The following GLYATL2 variants were observed in gnomAD, a reference collection of about 807,000 sequenced individuals.
The protein encoded by GLYATL2 is glycine-N-acyltransferase like 2, also known as glycine N-acyltransferase-like protein 2.
Under a neutral mutation model 21.4 loss-of-function variants are expected in GLYATL2, and 25 were observed. That is an observed-to-expected ratio of 1.17 (90% confidence interval 0.85 to 1.63). The LOEUF (loss-of-function observed/expected upper bound fraction) is 1.63, where lower values mean the gene tolerates loss of function less well. Ranked by LOEUF, GLYATL2 falls within the 40% of genes most tolerant of loss-of-function variation. The pLI is 0.00. For missense variants in GLYATL2, 361 were observed against 343.3 expected (o/e 1.05, Z -0.41); for synonymous variants, 114 against 118.2 (o/e 0.96, Z 0.23).
intron 1 of GLYATL2, among the ~76,000 whole-genome samples, chr11:58,896,434 T>C (rs1345182881): frequency 6.6e-6 from 1 of 152,228 alleles, no homozygotes; most frequent in Non-Finnish European, 1.5e-5. Flanking sequence ...CCTATTAAAC[T>C]TCCACTCTTA....
intron 1 of GLYATL2, among the ~76,000 whole-genome samples, chr11:58,860,386 AT>A (rs1853910548): frequency 2.0e-5 from 3 of 151,942 alleles, no homozygotes; most frequent in African/African-American, 7.2e-5. Flanking sequence ...AAACAGGATG[AT>A]TTTCTTTGTC....
intron 1 of GLYATL2, among the ~76,000 whole-genome samples, chr11:58,873,115 T>C (rs935038062): frequency 1.4e-4 from 21 of 151,078 alleles, no homozygotes; most frequent in Non-Finnish European, 2.8e-4. Context: ...AGAATGCTTG[T>C]GATTTTTGCA....
intron 1 of GLYATL2, among the ~76,000 whole-genome samples, chr11:58,841,015 A>G (rs919487076): frequency 1.3e-5 from 2 of 152,020 alleles, no homozygotes; most frequent in Non-Finnish European, 2.9e-5. Context: ...TGAACTTTTG[A>G]ACTTTCTTCC....
chr11:58,891,608 A>G (rs1258795785), intron 1 of GLYATL2, among the ~76,000 whole-genome samples: 1 of 152,080 alleles, frequency 6.6e-6, no homozygotes, highest in African/African-American at 2.4e-5. Flanking sequence ...CTTTCCCTCC[A>G]CCCTCTAGGA....
At chr11:58,875,551 C>T (rs896571110) in intron 1 of GLYATL2, among the ~76,000 whole-genome samples, 2 of 152,116 alleles carry the variant, frequency 1.3e-5, no homozygotes, top group Non-Finnish European at 2.9e-5. Context: ...ACTTATGAAG[C>T]TTAGTTTGGC....
At chr11:58,873,124 C>T (rs550046219) in intron 1 of GLYATL2, among the ~76,000 whole-genome samples, 1,679 of 150,646 alleles carry the variant, frequency 0.011, 20 homozygotes, top group Middle Eastern at 0.031. Flanking sequence ...GTGATTTTTG[C>T]ACATTGATTT....
intron 1 of GLYATL2, chr11:58,893,601 T>TA (rs1333047226): frequency 6.6e-6 from 1 of 152,406 alleles, no homozygotes; most frequent in Non-Finnish European, 1.5e-5. Flanking sequence ...GACTTGATGT[T>TA]AAAAAACACA....
At chr11:58,847,233 G>C (rs1853659738), upstream of GLYATL2, among the ~76,000 whole-genome samples, 1 of 152,186 alleles carries the variant, frequency 6.6e-6, no homozygotes, top group Non-Finnish European at 1.5e-5. Context: ...GAGCATCTGA[G>C]GATAGCAGGT....
At chr11:58,885,343 T>C (rs1854416941) in intron 1 of GLYATL2, 2 of 306,662 alleles carry the variant, frequency 6.5e-6, no homozygotes, top group Admixed American at 3.5e-5. Flanking sequence ...CAGTACTGTC[T>C]TTTGACCTCC....
intron 1 of GLYATL2, among the ~76,000 whole-genome samples, chr11:58,881,910 C>T (rs1854343133): frequency 6.6e-6 from 1 of 152,220 alleles, no homozygotes; most frequent in Admixed American, 6.5e-5. Context: ...CTACAAAGGA[C>T]ATGAACTCAT....
At chr11:58,900,065 A>AT (rs948628135) in intron 1 of GLYATL2, among the ~76,000 whole-genome samples, 94 of 152,278 alleles carry the variant, frequency 6.2e-4, no homozygotes, top group African/African-American at 2.2e-3. Flanking sequence ...TGTGTAAATC[A>AT]TTTAAAAAAA....
At chr11:58,876,319 C>T (rs967859752) in intron 1 of GLYATL2, among the ~76,000 whole-genome samples, 1 of 152,202 alleles carries the variant, frequency 6.6e-6, no homozygotes, top group African/African-American at 2.4e-5. Flanking sequence ...CCAGCTTTGT[C>T]CCATTGCTGG....
intron 1 of GLYATL2, chr11:58,878,312 A>T (rs1274101519): frequency 7.4e-6 from 4 of 542,192 alleles, no homozygotes; most frequent in African/African-American, 2.0e-5. Flanking sequence ...AGGAGCGCTA[A>T]GTGAACAAGG....
intron 1 of GLYATL2, among the ~76,000 whole-genome samples, chr11:58,899,496 A>G (rs1854696319): frequency 6.6e-6 from 1 of 152,214 alleles, no homozygotes; most frequent in African/African-American, 2.4e-5. Context: ...ACAGAAGATG[A>G]TGGAGGGAGA....
At chr11:58,886,176 C>T (rs1024507438) in intron 1 of GLYATL2, among the ~76,000 whole-genome samples, 12 of 152,066 alleles carry the variant, frequency 7.9e-5, no homozygotes, top group African/African-American at 2.9e-4. Flanking sequence ...AAGATCACAC[C>T]ACTGTACTGA....
intron 1 of GLYATL2, among the ~76,000 whole-genome samples, chr11:58,860,975 A>G (rs1383357821): frequency 6.6e-6 from 1 of 152,008 alleles, no homozygotes; most frequent in African/African-American, 2.4e-5. Context: ...GACCTTTTTG[A>G]CATGCTGTTG....
At chr11:58,864,664 C>G (rs1853992958) in intron 1 of GLYATL2, among the ~76,000 whole-genome samples, 1 of 149,214 alleles carries the variant, frequency 6.7e-6, no homozygotes, top group Non-Finnish European at 1.5e-5. Flanking sequence ...TTCCTATGCT[C>G]TTCAATTCAT....
chr11:58,837,537 A>T, intron 3 of GLYATL2, 140 bp from the exon 4 acceptor site: 1 of 744,712 alleles, frequency 1.3e-6, no homozygotes, highest in Middle Eastern at 3.9e-4. Flanking sequence ...CCTTGGAGTC[A>T]CTTCAAGAAT....
intron 5 of GLYATL2, 47 bp downstream of exon 5, chr11:58,836,968 T>G: frequency 6.5e-7 from 1 of 1,541,718 alleles, no homozygotes; most frequent in Non-Finnish European, 8.9e-7. Context: ...TTGTGGCAAC[T>G]CAGTAATTCT....
Sources: allele counts gnomAD v4.1 joint callset (sites outside exome capture counted in the v4.1 genomes callset), GRCh38; gene constraint gnomAD v4.1.1; transcripts MANE v1.5; gene names NCBI Gene and HGNC (gene_info 2026-07-23, HGNC 2026-07-21).